Variants in B3GALT1 observed in about 807,000 individuals in gnomAD.
The protein encoded by B3GALT1 is UDP-Gal:betaGlcNAc beta 1,3-galactosyltransferase, polypeptide 1.
In B3GALT1, 10 loss-of-function variants were observed where a neutral mutation model predicts 23.2. That is an observed-to-expected ratio of 0.43 (90% CI 0.27 to 0.73). The LOEUF (loss-of-function observed/expected upper bound fraction) is 0.73, where lower values mean the gene tolerates loss of function less well. Among genes scored for constraint, B3GALT1 ranks in the 30% least tolerant of loss-of-function variants. B3GALT1 has a pLI of 0.21. For missense variants in B3GALT1, 299 were observed against 405.4 expected, an observed-to-expected ratio of 0.74 and a Z score of 2.25; for synonymous variants, 156 against 141.5, an observed-to-expected ratio of 1.10 and a Z score of -0.73.
intron 1 of B3GALT1, among the ~76,000 whole-genome samples, chr2:167,319,003 TG>T (rs1696762243): frequency 6.6e-6 from 1 of 152,292 alleles, no homozygotes; most frequent in African/African-American, 2.4e-5. Flanking sequence ...CTTCTATTTA[TG>T]TTGTGAAGGA....
chr2:167,445,121 T>A (rs1698959594), intron 1 of B3GALT1, among the ~76,000 whole-genome samples: 1 of 152,238 alleles, frequency 6.6e-6, no homozygotes, highest in African/African-American at 2.4e-5. Context: ...TTTCGTTATG[T>A]ACCCAGTGGT....
rs1341570249 is a variant in B3GALT1, at chr2:167,709,045, TG to T, written c.-352+62080del. Among the ~76,000 whole-genome samples the T allele has an allele frequency of 2.6e-5, 4 of 152,228 alleles. No individual in the cohort carries two copies. In the East Asian group the frequency reaches 7.7e-4, roughly 29 times the overall value. ...TCTGGAGACCTTAGGATAAATGTTT[TG>T]TTGGGTATTTTTGCTTCTGCCCATT... On this transcript the variant is annotated intron_variant, in intron 3 of 4. Coordinates refer to ENST00000392690, the MANE Select transcript of B3GALT1 (RefSeq NM_020981.4).
At chr2:167,752,345 G>C (rs1398620907) in intron 3 of B3GALT1, among the ~76,000 whole-genome samples, 2 of 152,034 alleles carry the variant, frequency 1.3e-5, no homozygotes, top group Non-Finnish European at 2.9e-5. Flanking sequence ...AAGAAGTCAG[G>C]AATTGCAGTG....
intron 1 of B3GALT1, among the ~76,000 whole-genome samples, chr2:167,404,739 G>T (rs1409012008): frequency 1.3e-5 from 2 of 152,154 alleles, no homozygotes; most frequent in African/African-American, 4.8e-5. Context: ...GATTTCAAAT[G>T]CTTTGGTAAT....
At position 167,556,862 on chromosome 2, in the gene B3GALT1, A is replaced by G. The variant is rs986221038; in HGVS notation, c.-410+66585A>G. ...TCTTACTGTGTGCCATCTTCCTGCAATGGAATATTTATTTCTCACAATAAA... is the reference window on the plus strand; with the variant it reads ...TCTTACTGTGTGCCATCTTCCTGCAGTGGAATATTTATTTCTCACAATAAA... On this transcript the variant is annotated intron_variant, in intron 2 of 4. Coordinates refer to ENST00000392690, the MANE Select transcript of B3GALT1 (RefSeq NM_020981.4). Among the ~76,000 whole-genome samples, 5 of 152,326 alleles carry G rather than the reference A, an allele frequency of 3.3e-5. No individual in the cohort carries two copies. The East Asian group carries it at 7.7e-4, about 23-fold the overall frequency.
At chr2:167,538,359 ATATACG>A (rs1160883029) in intron 2 of B3GALT1, among the ~76,000 whole-genome samples, 1 of 152,234 alleles carries the variant, frequency 6.6e-6, no homozygotes, top group Non-Finnish European at 1.5e-5. Context: ...ATGTATCAGT[ATATACG>A]TATATGTGCA....
intron 1 of B3GALT1, among the ~76,000 whole-genome samples, chr2:167,461,392 T>G (rs6721528): frequency 0.11 from 17,215 of 152,172 alleles, 1,151 homozygotes; most frequent in African/African-American, 0.19. Context: ...AGCAGACAGA[T>G]TCTGCCAGTG....
At chr2:167,474,256 C>T (rs957576482) in intron 1 of B3GALT1, among the ~76,000 whole-genome samples, 1 of 152,134 alleles carries the variant, frequency 6.6e-6, no homozygotes, top group Non-Finnish European at 1.5e-5. Flanking sequence ...ATTGACTTGA[C>T]GTCTGGTGAC....
chr2:167,852,467 G>GGTGTGTGTGT (rs66820655), intron 4 of B3GALT1, among the ~76,000 whole-genome samples: 58 of 146,580 alleles, frequency 4.0e-4, no homozygotes, highest in African/African-American at 6.8e-4. Flanking sequence ...TATTCGTGAT[G>GGTGTGTGTGT]GTGTGTGTGT....
intron 3 of B3GALT1, among the ~76,000 whole-genome samples, chr2:167,661,283 A>G (rs2105472692): frequency 6.6e-6 from 1 of 152,250 alleles, no homozygotes; most frequent in East Asian, 1.9e-4. Context: ...GTATTAAGCC[A>G]GAAAGCAATT....
intron 3 of B3GALT1, among the ~76,000 whole-genome samples, chr2:167,686,714 C>T (rs1686621903): frequency 6.6e-6 from 1 of 152,160 alleles, no homozygotes; most frequent in African/African-American, 2.4e-5. Flanking sequence ...TGTCCATGTG[C>T]ACACTTACAC....
intron 2 of B3GALT1, among the ~76,000 whole-genome samples, chr2:167,608,054 C>T (rs16853933): frequency 0.047 from 7,214 of 152,100 alleles, 410 homozygotes; most frequent in African/African-American, 0.13. Context: ...ACAGTGTTCC[C>T]GTAGACAAAA....
At chr2:167,357,992 A>G (rs1387446197) in intron 1 of B3GALT1, among the ~76,000 whole-genome samples, 1 of 152,202 alleles carries the variant, frequency 6.6e-6, no homozygotes. Context: ...TATCTTCACA[A>G]TTTGAGTATT....
chr2:167,792,911 TGAA>T (rs1176339949), intron 3 of B3GALT1, among the ~76,000 whole-genome samples: 2 of 149,552 alleles, frequency 1.3e-5, no homozygotes, highest in African/African-American at 5.0e-5. Context: ...ATTGGGGAGA[TGAA>T]GAAGGAGGAA....
At chr2:167,601,669 A>C (rs994951033) in intron 2 of B3GALT1, among the ~76,000 whole-genome samples, 5 of 152,226 alleles carry the variant, frequency 3.3e-5, no homozygotes, top group African/African-American at 1.2e-4. Flanking sequence ...CAAGGCCTGC[A>C]GCTAATCGAG....
intron 1 of B3GALT1, among the ~76,000 whole-genome samples, chr2:167,311,213 G>A (rs1281006267): frequency 1.3e-5 from 2 of 152,164 alleles, no homozygotes; most frequent in Admixed American, 6.6e-5. Context: ...GAATGTTATT[G>A]TGTACATAGA....
At chr2:167,692,359 G>A (rs1157308003) in intron 3 of B3GALT1, among the ~76,000 whole-genome samples, 2 of 152,092 alleles carry the variant, frequency 1.3e-5, no homozygotes, top group Non-Finnish European at 1.5e-5. Context: ...TTTGGTCTAT[G>A]AGCCTTTCTA....
intron 1 of B3GALT1, among the ~76,000 whole-genome samples, chr2:167,326,332 A>G (rs1195588517): frequency 6.6e-6 from 1 of 151,714 alleles, no homozygotes; most frequent in Non-Finnish European, 1.5e-5. Context: ...TATTCTGCAT[A>G]TTAGCCCCCT....
At position 167,870,111 on chromosome 2, in the gene B3GALT1, T is replaced by G. The variant is rs2105446417; in HGVS notation, c.*91T>G. On this transcript the variant is annotated 3_prime_UTR_variant, in exon 5 of 5. Transcript: ENST00000392690. The stretch of plus-strand genomic sequence containing the variant: ...TTTCCAGGTGTCGGGGGAAATGAAC[T>G]GGTGAAGGGGTTTTGTAAAGTTTTT... 7.4e-7 allele frequency: 1 copy of G among 1,352,204 alleles called. No individual in the cohort carries two copies. The highest frequency in any genetic ancestry group is 9.9e-7 in the Non-Finnish European group (1 of 1,007,416). The allele number at this position is 1,352,204 out of a possible 1,614,324, so 83.8% of individuals were successfully genotyped here.
Sources: gnomAD v4.1 joint callset for allele counts (sites outside exome capture counted in the v4.1 genomes callset) on GRCh38, gnomAD v4.1.1 for gene constraint, MANE v1.5 for transcripts, NCBI Gene and HGNC (gene_info 2026-07-23, HGNC 2026-07-21) for gene names.